ZNF652: variants seen among roughly 807,000 people sequenced by gnomAD.
ZNF652 encodes the protein zinc finger protein 652.
Under a neutral mutation model 45.2 loss-of-function variants are expected in ZNF652, and 16 were observed. That is an observed-to-expected ratio of 0.35 (90% CI 0.24 to 0.54). ZNF652 has a LOEUF of 0.54. Ranked by LOEUF, ZNF652 falls within the 20% of genes least tolerant of loss-of-function variation. The pLI is 0.91. For missense variants in ZNF652, 614 were observed against 765.6 expected, an observed-to-expected ratio of 0.80 and a Z score of 2.34; for synonymous variants, 250 against 260.6, an observed-to-expected ratio of 0.96 and a Z score of 0.39.
chr17:49,330,784 C>CT (rs1189096236), intron 1 of ZNF652, among the ~76,000 whole-genome samples: 1 of 151,928 alleles, frequency 6.6e-6, no homozygotes, highest in Non-Finnish European at 1.5e-5. Flanking sequence ...GGCACAGTGG[C>CT]TGACACCTGT....
intron 3 of ZNF652, 24 bp downstream of exon 3, chr17:49,312,674 T>C: frequency 6.2e-7 from 1 of 1,608,954 alleles, no homozygotes; most frequent in South Asian, 1.1e-5. Context: ...ATTATAGGTA[T>C]AAGAGAAAAG....
In ZNF652 at chr17:49,317,667, G is replaced by C. The variant is rs1395721275; in HGVS notation, c.59C>G (p.Ala20Gly). ...ELVENCAVHV[A>G]GMAQEDSRRG... is the part of the protein sequence containing the mutation. ...ACGGCTATCTTCTTGTGCCATTCCT[G>C]CTACATGCACAGCACAGTTTTCAAC... Residue 20 changes from alanine (A) to glycine (G), a missense_variant, in exon 2 of 6, where the codon GCA becomes GGA. Around this residue, in one of 5 missense-constraint regions of ZNF652, gnomAD observed 133 missense variants for 132.2 expected, o/e 1.01. Coordinates refer to ENST00000430262, the MANE Select transcript of ZNF652 (RefSeq NM_001145365.3). 6.2e-7 allele frequency: 1 copy of C among 1,613,062 alleles called. No individual in the cohort carries two copies. Among genetic ancestry groups the C allele is most frequent in the Admixed American group, 1.7e-5 (1 of 59,984 alleles).
rs140742973 is a variant in ZNF652, at chr17:49,341,983, C to T, written c.-259+19926G>A. Among the ~76,000 whole-genome samples, 758 of 152,216 alleles carry T rather than the reference C, an allele frequency of 5.0e-3. 7 individuals carry two copies. The highest frequency in any genetic ancestry group is 0.016 in the African/African-American group (666 of 41,532). On this transcript the variant is annotated intron_variant, in intron 1 of 5. Transcript: ENST00000430262. ...GGCAGATCGCCTGAGATCAGGAGTT[C>T]GAGACCAGCCTGACCAATATGGCGA...
intron 1 of ZNF652, among the ~76,000 whole-genome samples, chr17:49,348,499 G>GAA (rs1555552478): frequency 1.7e-5 from 2 of 120,164 alleles, no homozygotes; most frequent in African/African-American, 6.0e-5. Context: ...GAAAAGAAAA[G>GAA]AAAAGAAAAG....
intron 1 of ZNF652, among the ~76,000 whole-genome samples, chr17:49,341,132 A>C (rs1249797917): frequency 1.3e-5 from 2 of 151,922 alleles, no homozygotes; most frequent in East Asian, 3.9e-4. Flanking sequence ...AATCATTTGA[A>C]CCCAGGAGGT....
rs10609861 is a variant in ZNF652 at position 49,293,655 on chromosome 17, TAAAAAAAAA to T, written c.*4749_*4757del. Among the ~76,000 whole-genome samples, 15 of 78,302 alleles carry T rather than the reference TAAAAAAAAA, an allele frequency of 1.9e-4. 1 individual carries two copies. Among genetic ancestry groups the T allele is most frequent in the Admixed American group, 1.4e-4 (1 of 7,008 alleles). 51.4% of individuals were successfully genotyped at this position (78,302 alleles called of 152,430 possible). A position where few individuals can be genotyped will look rare whatever the true frequency, so the allele number is the denominator to read the frequency against. ...CTAATGGCTTATGACCTTTCATTCC[TAAAAAAAAA>T]AAAAAAAAAAAAAAAAAAAAACTCT... On this transcript the variant is annotated 3_prime_UTR_variant, in exon 6 of 6. Coordinates refer to ENST00000430262, the MANE Select transcript of ZNF652 (RefSeq NM_001145365.3).
intron 5 of ZNF652, among the ~76,000 whole-genome samples, chr17:49,305,785 A>AACTCACCCT (rs1196970604): frequency 6.6e-6 from 1 of 151,948 alleles, no homozygotes; most frequent in Non-Finnish European, 1.5e-5. Context: ...TTCTATTTTG[A>AACTCACCCT]ACTCACCCTA....
At chr17:49,349,419 A>C (rs2070246845) in intron 1 of ZNF652, among the ~76,000 whole-genome samples, 2 of 152,170 alleles carry the variant, frequency 1.3e-5, no homozygotes, top group Admixed American at 6.6e-5. Flanking sequence ...AAAAAACAAC[A>C]AAACAAATGT....
At chr17:49,313,643 G>A (rs921525057) in intron 2 of ZNF652, among the ~76,000 whole-genome samples, 2 of 152,020 alleles carry the variant, frequency 1.3e-5, no homozygotes, top group African/African-American at 4.8e-5. Context: ...GGTATTATAG[G>A]TATGTAGAAA....
At chr17:49,337,358 A>G (rs2070097580) in intron 1 of ZNF652, among the ~76,000 whole-genome samples, 1 of 152,000 alleles carries the variant, frequency 6.6e-6, no homozygotes, top group East Asian at 1.9e-4. Context: ...AAAAAAAGAA[A>G]AAAGAAAAAT....
chr17:49,315,258 C>T (rs1300560707), intron 2 of ZNF652, among the ~76,000 whole-genome samples: 5 of 150,908 alleles, frequency 3.3e-5, no homozygotes, highest in Non-Finnish European at 7.4e-5. Flanking sequence ...TCAGGCTGGT[C>T]TCGAACTCCT....
chr17:49,331,019 G>A (rs931975622), intron 1 of ZNF652, among the ~76,000 whole-genome samples: 6 of 151,128 alleles, frequency 4.0e-5, no homozygotes, highest in East Asian at 4.0e-4. Flanking sequence ...CGGAGGTTGT[G>A]GTGAGCCAAG....
chr17:49,304,711 G>C (rs1364642684), intron 5 of ZNF652, among the ~76,000 whole-genome samples: 1 of 152,118 alleles, frequency 6.6e-6, no homozygotes, highest in Non-Finnish European at 1.5e-5. Context: ...TAATGAGTCT[G>C]AAGAAAGAAC....
rs114983904 is a variant in ZNF652 at position 49,346,697 on chromosome 17, T to C, written c.-259+15212A>G. On this transcript the variant is annotated intron_variant, in intron 1 of 5. Transcript: ENST00000430262. ...ATATAATGAAAGCAAATATTTGTTT[T>C]AGTTTAAAAAGAGGAAATCAACTCT... is the stretch of plus-strand genomic sequence containing the variant. Among the ~76,000 whole-genome samples the C allele has an allele frequency of 9.1e-3, 1,389 of 152,352 alleles. 21 individuals carry two copies. The highest frequency in any genetic ancestry group is 0.032 in the African/African-American group (1,314 of 41,570).
chr17:49,336,951 T>TG (rs2070091058), intron 1 of ZNF652, among the ~76,000 whole-genome samples: 37 of 120,988 alleles, frequency 3.1e-4, no homozygotes, highest in African/African-American at 1.1e-3. Flanking sequence ...TGTTTTTTTT[T>TG]TTTTTTTTTT....
chr17:49,361,675 G>A (rs1260787076), intron 1 of ZNF652, among the ~76,000 whole-genome samples: 2 of 152,166 alleles, frequency 1.3e-5, no homozygotes, highest in African/African-American at 2.4e-5. Context: ...GAGGAAGGGG[G>A]CGAAAGAGCA....
In ZNF652 at chr17:49,312,038, G is replaced by C; in HGVS notation, c.1053C>G (p.His351Gln). 6.2e-7 allele frequency: 1 copy of C among 1,611,842 alleles called. No homozygotes were observed. The highest frequency in any genetic ancestry group is 8.5e-7 in the Non-Finnish European group (1 of 1,178,364). ...MAHVRKHMVA[H>Q]TKDMPFTCET... ...CGCATGTAAATGGCATGTCTTTTGT[G>C]TGTGCTGCAACACAGAATGTACTTA... is the stretch of plus-strand genomic sequence containing the variant. The change falls in exon 4 of 6, where the codon CAC (histidine) becomes CAG (glutamine). Residue 351 changes from histidine (H) to glutamine (Q), a missense_variant. Physicochemically the swap from His to Gln is conservative, Grantham distance 24. Coordinates refer to ENST00000430262, the MANE Select transcript of ZNF652 (RefSeq NM_001145365.3).
chr17:49,332,526 T>A (rs1022938707), intron 1 of ZNF652, among the ~76,000 whole-genome samples: 2 of 152,186 alleles, frequency 1.3e-5, no homozygotes, highest in Admixed American at 1.3e-4. Context: ...CACACAATTT[T>A]ACAAACAATT....
chr17:49,333,570 A>AAAAAAC (rs2070048384), intron 1 of ZNF652, among the ~76,000 whole-genome samples: 1 of 136,208 alleles, frequency 7.3e-6, no homozygotes, highest in African/African-American at 2.7e-5. Context: ...AAAAAAAAAA[A>AAAAAAC]TTACCCAGGT....
Sources: gnomAD v4.1 joint callset for allele counts (sites outside exome capture counted in the v4.1 genomes callset) on GRCh38, gnomAD v4.1.1 for gene constraint, gnomAD v4.1.1 regional missense constraint, MANE v1.5 for transcripts, NCBI Gene and HGNC (gene_info 2026-07-23, HGNC 2026-07-21) for gene names.